Variants in BCAS3 observed in about 807,000 individuals in gnomAD.
The protein encoded by BCAS3 is BCAS3 microtubule associated cell migration factor, also known as BCAS4/BCAS3 fusion.
BCAS3 carries 53 observed loss-of-function variants against 116.1 expected under a neutral mutation model. That is an observed-to-expected ratio of 0.46 (90% confidence interval 0.37 to 0.57). BCAS3 has a LOEUF of 0.57. Among genes scored for constraint, BCAS3 ranks in the 20% least tolerant of loss-of-function variants. The pLI is 0.00. For missense variants in BCAS3, 917 were observed against 1,165.4 expected (o/e 0.79, Z 3.10); for synonymous variants, 391 against 408.2 (o/e 0.96, Z 0.51).
At position 61,327,532 on chromosome 17, in the gene BCAS3, TCTCA is replaced by T. The variant is rs1256153844; in HGVS notation, c.2426-40791_2426-40788del. Among the ~76,000 whole-genome samples, 1 of 151,322 alleles carries T rather than the reference TCTCA, an allele frequency of 6.6e-6. No individual in the cohort carries two copies. Among genetic ancestry groups the T allele is most frequent in the Admixed American group, 6.6e-5 (1 of 15,156 alleles). ...AAAATTTTTTTTTTTTTAGACAGAGTCTCACTCTGTCACCCAGGCTGGAGAGTAG... is the reference window on the plus strand; with the variant it reads ...AAAATTTTTTTTTTTTTAGACAGAGTCTCTGTCACCCAGGCTGGAGAGTAG... On this transcript the variant is annotated intron_variant, in intron 22 of 23. Transcript: ENST00000407086. The surrounding 1 kb of genome is among the most constrained non-coding windows in gnomAD (Gnocchi z 5.9).
At position 60,994,927 on chromosome 17, in the gene BCAS3, A is replaced by G. The variant is rs572161972; in HGVS notation, c.1486+4692A>G. 1.9e-4 allele frequency among the ~76,000 whole-genome samples: 29 copies of G among 152,280 alleles called. 1 individual carries two copies. The South Asian group carries it at 4.8e-3, about 25-fold the overall frequency. On this transcript the variant is annotated intron_variant, in intron 15 of 23. Coordinates refer to ENST00000407086, the MANE Select transcript of BCAS3 (RefSeq NM_017679.5). This position sits in a 1 kb window ranked among gnomAD's most constrained non-coding sequence, Gnocchi z 4.4. ...TATTAGATTGACTTCTGTGAGCACA[A>G]AGTCTTTTTGGTGTTTCTATTTGTA...
intron 22 of BCAS3, among the ~76,000 whole-genome samples, chr17:61,335,204 C>T (rs575631846): frequency 6.6e-6 from 1 of 152,212 alleles, no homozygotes; most frequent in Non-Finnish European, 1.5e-5. Context: ...GTCCGCAGGC[C>T]TTGTGTGTGC....
At chr17:60,844,190 G>T (rs1427687669) in intron 7 of BCAS3, among the ~76,000 whole-genome samples, 2 of 152,034 alleles carry the variant, frequency 1.3e-5, no homozygotes, top group Non-Finnish European at 2.9e-5. Context: ...GGCTGGTCTC[G>T]AACTCCTGAC....
intron 6 of BCAS3, among the ~76,000 whole-genome samples, chr17:60,771,668 A>G (rs1179317388): frequency 6.6e-6 from 1 of 152,146 alleles, no homozygotes; most frequent in Non-Finnish European, 1.5e-5. Flanking sequence ...CGTCATTTAC[A>G]TTAGGTATAT....
At position 61,300,814 on chromosome 17, in the gene BCAS3, C is replaced by T. The variant is rs1218409947; in HGVS notation, c.2426-67513C>T. Among the ~76,000 whole-genome samples the T allele has an allele frequency of 6.6e-6, 1 of 152,030 alleles. No individual in the cohort carries two copies. The highest frequency in any genetic ancestry group is 2.4e-5 in the African/African-American group (1 of 41,406). ...ACTCTGATTTTGTTCCAGCAGCTTT[C>T]CTCCTCCCTCCCTCTTCTAGCCTCT... On this transcript the variant is annotated intron_variant, in intron 22 of 23. Coordinates refer to ENST00000407086, the MANE Select transcript of BCAS3 (RefSeq NM_017679.5). This position sits in a 1 kb window ranked among gnomAD's most constrained non-coding sequence, Gnocchi z 5.1.
intron 14 of BCAS3, among the ~76,000 whole-genome samples, chr17:60,958,101 G>A (rs1297542335): frequency 6.6e-6 from 1 of 152,194 alleles, no homozygotes; most frequent in Non-Finnish European, 1.5e-5. Flanking sequence ...TGCAGGAAGG[G>A]GGAACCCTAG....
chr17:61,385,877 C>T (rs537949225), intron 23 of BCAS3, among the ~76,000 whole-genome samples: 27 of 152,288 alleles, frequency 1.8e-4, no homozygotes, highest in African/African-American at 5.8e-4. Flanking sequence ...ACACATCTGC[C>T]ATCTTCCTCC....
intron 2 of BCAS3, 56 bp from the exon 3 acceptor site, chr17:60,683,926 T>A: frequency 2.1e-6 from 3 of 1,425,644 alleles, no homozygotes; most frequent in Non-Finnish European, 2.9e-6. Context: ...TAGAGCTTTT[T>A]TCATGTTCTA....
chr17:60,874,783 C>G, intron 9 of BCAS3, 45 bp downstream of exon 9: 1 of 1,242,214 alleles, frequency 8.1e-7, no homozygotes, highest in Non-Finnish European at 1.2e-6. Context: ...TGGGTTTATA[C>G]TACTTACTTG....
intron 7 of BCAS3, among the ~76,000 whole-genome samples, chr17:60,830,002 T>C (rs2050772323): frequency 6.6e-6 from 1 of 152,190 alleles, no homozygotes; most frequent in African/African-American, 2.4e-5. Context: ...TATTTATTTA[T>C]TTATTTTGAG....
At chr17:61,110,270 A>G (rs1370720718) in intron 22 of BCAS3, among the ~76,000 whole-genome samples, 4 of 152,136 alleles carry the variant, frequency 2.6e-5, no homozygotes, top group South Asian at 4.1e-4. Context: ...CAGCTCCAGT[A>G]TACAGCTCCC....
intron 19 of BCAS3, among the ~76,000 whole-genome samples, chr17:61,059,654 A>G (rs2069776653): frequency 5.3e-5 from 8 of 152,178 alleles, no homozygotes; most frequent in Admixed American, 3.9e-4. Flanking sequence ...AAGCGTTTGT[A>G]TTATATCTCC....
In BCAS3 at chr17:61,377,650, C is replaced by A. The variant is rs1049324300; in HGVS notation, c.2593+9156C>A. On this transcript the variant is annotated intron_variant, in intron 23 of 23. Transcript: ENST00000407086. This position sits in a 1 kb window ranked among gnomAD's most constrained non-coding sequence, Gnocchi z 4.6. Reference sequence around the variant, plus strand: ...TAGTAAATGTAGTAATCGTTGGCCTCCTGTAACTCTGATGTCCTGGCTGCT... The same window carrying A: ...TAGTAAATGTAGTAATCGTTGGCCTACTGTAACTCTGATGTCCTGGCTGCT... Among the ~76,000 whole-genome samples the A allele has an allele frequency of 6.6e-6, 1 of 152,156 alleles. No individual in the cohort carries two copies. Among genetic ancestry groups the A allele is most frequent in the Admixed American group, 6.5e-5 (1 of 15,280 alleles).
intron 6 of BCAS3, among the ~76,000 whole-genome samples, chr17:60,766,900 A>G (rs968512969): frequency 6.6e-6 from 1 of 152,170 alleles, no homozygotes; most frequent in Non-Finnish European, 1.5e-5. Context: ...TAGCCTCAGC[A>G]ATGGCGGATG....
chr17:61,348,464 A>T lies in BCAS3; in HGVS notation c.2426-19863A>T, dbSNP rs1219373258. Among the ~76,000 whole-genome samples the T allele has an allele frequency of 6.6e-6, 1 of 152,112 alleles. No homozygotes were observed. Among genetic ancestry groups the T allele is most frequent in the Non-Finnish European group, 1.5e-5 (1 of 68,028 alleles). On this transcript the variant is annotated intron_variant, in intron 22 of 23. Coordinates refer to ENST00000407086, the MANE Select transcript of BCAS3 (RefSeq NM_017679.5). This position sits in a 1 kb window ranked among gnomAD's most constrained non-coding sequence, Gnocchi z 4.5. ...AGTACTGGGTATTTGTAAGCGTTAG[A>T]GTAGCTGAACTCACCCAAGAATAGT...
intron 23 of BCAS3, among the ~76,000 whole-genome samples, chr17:61,373,288 C>T (rs1265125487): frequency 6.6e-6 from 1 of 152,104 alleles, no homozygotes; most frequent in Non-Finnish European, 1.5e-5. Context: ...CAGGGTTTCA[C>T]CGTGTTAGCC....
At chr17:61,290,018 A>C (rs1316354532) in intron 22 of BCAS3, among the ~76,000 whole-genome samples, 3 of 152,190 alleles carry the variant, frequency 2.0e-5, no homozygotes, top group Non-Finnish European at 4.4e-5. Context: ...TGGGACACTA[A>C]ATTTTTCAGA....
intron 14 of BCAS3, among the ~76,000 whole-genome samples, chr17:60,951,764 C>CTTTTTTTTTT (rs769133578): frequency 1.2e-3 from 134 of 109,500 alleles, no homozygotes; most frequent in Non-Finnish European, 1.8e-3. Flanking sequence ...TCTTTTCTTT[C>CTTTTTTTTTT]TTTTTTTTTT....
intron 6 of BCAS3, 72 bp from the exon 7 acceptor site, chr17:60,807,932 A>T: frequency 9.4e-7 from 1 of 1,061,496 alleles, no homozygotes; most frequent in Non-Finnish European, 1.4e-6. Context: ...AGTATTTTGA[A>T]AGCATGAAAA....
Sources: allele counts gnomAD v4.1 joint callset (sites outside exome capture counted in the v4.1 genomes callset), GRCh38; gene constraint gnomAD v4.1.1; non-coding constraint Gnocchi (gnomAD v3.1); transcripts MANE v1.5; gene names NCBI Gene and HGNC (gene_info 2026-07-23, HGNC 2026-07-21).